WDR49: variants seen among roughly 807,000 people sequenced by gnomAD.
The protein encoded by WDR49 is cilia- and flagella-associated protein 337.
WDR49 carries 107 observed loss-of-function variants against 119.5 expected under a neutral mutation model. The observed-to-expected ratio is 0.90, with a 90% confidence interval of 0.77 to 1.05. The LOEUF (loss-of-function observed/expected upper bound fraction) is 1.05, where lower values mean the gene tolerates loss of function less well. WDR49 is among the 50% of genes least tolerant of loss of function. WDR49 has a pLI of 0.00. For synonymous variants in WDR49, 425 were observed against 418.8 expected (o/e 1.01, Z -0.18); for missense variants, 1,240 against 1,220.5 (o/e 1.02, Z -0.24).
intron 2 of WDR49, among the ~76,000 whole-genome samples, chr3:167,646,506 A>T (rs1718136733): frequency 1.3e-5 from 2 of 152,208 alleles, no homozygotes; most frequent in African/African-American, 4.8e-5. Context: ...AAGGGTTCGA[A>T]GCAGCATTGT....
At position 167,626,977 on chromosome 3, in the gene WDR49, C is replaced by T. The variant is rs1717158929; in HGVS notation, c.481G>A (p.Glu161Lys). 9 of 1,349,622 alleles carry T rather than the reference C, an allele frequency of 6.7e-6. No homozygotes were observed. The highest frequency in any genetic ancestry group is 8.5e-6 in the Non-Finnish European group (9 of 1,052,772). The allele number at this position is 1,349,622 out of a possible 1,614,324, so 83.6% of individuals were successfully genotyped here. The change falls in exon 3 of 19, where the codon GAA becomes AAA. Residue 161 changes from glutamate to lysine, a missense_variant. Glu to Lys is a moderately conservative substitution (Grantham distance 56). Coordinates refer to ENST00000682715, the MANE Select transcript of WDR49 (RefSeq NM_001366157.1). ...TCTCCCCAGATTGCCAATAAACCTT[C>T]TTTACTAATTGTCAGATAATGACTT... Reference protein sequence around the residue: ...NSSHYLTISKEGLLAIWGEHL... With the variant: ...NSSHYLTISKKGLLAIWGEHL...
chr3:167,620,474 G>T lies in WDR49; in HGVS notation c.913C>A (p.His305Asn). 1 of 1,535,980 alleles carries T rather than the reference G, an allele frequency of 6.5e-7. No individual in the cohort carries two copies. Among genetic ancestry groups the T allele is most frequent in the South Asian group, 1.2e-5 (1 of 84,008 alleles). ...ELLSGCHKCC[H>N]ILEHKLHQGD... is the part of the protein sequence containing the mutation. ...TGATGAAGTTTATGCTCTAATATAT[G>T]GCAACATTTGTGACATCCAGAGAGC... The change falls in exon 5 of 19, where the codon CAT becomes AAT. Residue 305 changes from histidine to asparagine, a missense_variant. Transcript: ENST00000682715.
At chr3:167,616,289 G>T (rs1479938772) in intron 5 of WDR49, among the ~76,000 whole-genome samples, 1 of 152,216 alleles carries the variant, frequency 6.6e-6, no homozygotes, top group Admixed American at 6.5e-5. Flanking sequence ...CTGGATTTCT[G>T]CTTCCAGCCA....
chr3:167,588,769 A>T (rs1210189619), intron 7 of WDR49, among the ~76,000 whole-genome samples: 2 of 152,046 alleles, frequency 1.3e-5, no homozygotes, highest in East Asian at 3.8e-4. Context: ...TATTTAGCCC[A>T]TTTTTAATCA....
chr3:167,602,271 A>G lies in WDR49; in HGVS notation c.1131T>C (p.Thr377=), dbSNP rs774444253. The part of the protein sequence containing the change: ...DYHSRLNLIA[T]AGINNKVCLW... ...GGCAAACTTTATTGTTAATGCCAGC[A>G]GTTGCTAATCAGAATTAGAAAGAAA... Residue 377 remains threonine, a synonymous_variant, in exon 7 of 19, where the codon ACT becomes ACC. Transcript: ENST00000682715. The G allele has an allele frequency of 1.9e-6, 3 of 1,567,752 alleles. No individual in the cohort carries two copies. Among genetic ancestry groups the G allele is most frequent in the East Asian group, 4.5e-5 (2 of 44,306 alleles).
chr3:167,545,877 CAAAT>C (rs940375450), intron 10 of WDR49, among the ~76,000 whole-genome samples: 11 of 143,948 alleles, frequency 7.6e-5, no homozygotes, highest in East Asian at 3.9e-4. Context: ...AAATAAAAAG[CAAAT>C]AAATAAATAA....
At chr3:167,512,524 T>A (rs1026721860) in intron 16 of WDR49, among the ~76,000 whole-genome samples, 1 of 152,070 alleles carries the variant, frequency 6.6e-6, no homozygotes, top group Non-Finnish European at 1.5e-5. Context: ...ACAAAAACAC[T>A]GAAAATTCAA....
chr3:167,487,559 C>T (rs1351248106), intron 18 of WDR49, among the ~76,000 whole-genome samples: 2 of 152,050 alleles, frequency 1.3e-5, no homozygotes, highest in Non-Finnish European at 2.9e-5. Context: ...AGCTTCATCA[C>T]AGCAAAACAA....
rs1715805308 is a variant in WDR49 at position 167,602,175 on chromosome 3, G to A, written c.1227C>T (p.Val409=). ...LWGHSASVIA[V]QFFVERKQLF... is the part of the protein sequence containing the mutation. ...GTTGTTTTCTTTCCACAAAGAATTG[G>A]ACGGCTATTACACTGGCTGAGTGGC... Residue 409 remains valine, a synonymous_variant, in exon 7 of 19, where the codon GTC becomes GTT. Transcript: ENST00000682715. 2 of 1,603,900 alleles carry A rather than the reference G, an allele frequency of 1.2e-6. No individual in the cohort carries two copies. Among genetic ancestry groups the A allele is most frequent in the East Asian group, 4.5e-5 (2 of 44,814 alleles).
intron 2 of WDR49, among the ~76,000 whole-genome samples, chr3:167,645,156 G>T (rs1718057397): frequency 6.6e-6 from 1 of 151,626 alleles, no homozygotes; most frequent in Non-Finnish European, 1.5e-5. Context: ...GTTTAGCTTG[G>T]ATTTTTTACC....
chr3:167,516,596 A>G (rs986666789), intron 16 of WDR49, among the ~76,000 whole-genome samples: 7 of 152,054 alleles, frequency 4.6e-5, no homozygotes, highest in Non-Finnish European at 1.0e-4. Context: ...ATGATATATG[A>G]TCCTTTGGGT....
intron 10 of WDR49, among the ~76,000 whole-genome samples, chr3:167,542,525 C>T (rs1711909623): frequency 6.6e-6 from 1 of 152,056 alleles, no homozygotes; most frequent in African/African-American, 2.4e-5. Context: ...AAGTAATCTG[C>T]TCCTCAATGA....
intron 7 of WDR49, among the ~76,000 whole-genome samples, chr3:167,594,926 T>A (rs527607075): frequency 2.7e-5 from 4 of 150,938 alleles, no homozygotes; most frequent in Non-Finnish European, 2.9e-5. Flanking sequence ...GGAAGTCAAA[T>A]TGTCCCTCTT....
At chr3:167,567,839 T>C (rs1338401418) in intron 8 of WDR49, among the ~76,000 whole-genome samples, 3 of 152,220 alleles carry the variant, frequency 2.0e-5, no homozygotes, top group African/African-American at 7.2e-5. Flanking sequence ...GGTAAGGTGC[T>C]TCCTGACTTC....
chr3:167,607,739 C>T (rs1422698979), intron 5 of WDR49, among the ~76,000 whole-genome samples: 4 of 152,114 alleles, frequency 2.6e-5, no homozygotes, highest in Non-Finnish European at 4.4e-5. Flanking sequence ...CTTTCTGTCC[C>T]CATACCCTCA....
chr3:167,487,874 C>G lies in WDR49; in HGVS notation c.3032-8878G>C, dbSNP rs546582765. The stretch of plus-strand genomic sequence containing the variant: ...TGGCTATTATTAAGTCAAAAAACAA[C>G]AGATTCTTGCAAGGCTGTGCAGAAA... On this transcript the variant is annotated intron_variant, in intron 18 of 18. Coordinates refer to ENST00000682715, the MANE Select transcript of WDR49 (RefSeq NM_001366157.1). Among the ~76,000 whole-genome samples the G allele has an allele frequency of 1.5e-4, 23 of 152,004 alleles. No individual in the cohort carries two copies. The East Asian group carries it at 4.5e-3, about 29-fold the overall frequency.
Position 167,485,393 on chromosome 3 carries a change from GA to G in WDR49, c.3032-6398del, listed in dbSNP as rs540500469. Among the ~76,000 whole-genome samples, 605 of 151,040 alleles carry G rather than the reference GA, an allele frequency of 4.0e-3. 3 individuals carry two copies. The highest frequency in any genetic ancestry group is 0.014 in the African/African-American group (564 of 41,244). ...AAATAAATAAATAAAAATAAAAGTT[GA>G]AAAAAAAGAAAATGTATGTATACTT... On this transcript the variant is annotated intron_variant, in intron 18 of 18. Transcript: ENST00000682715.
chr3:167,594,559 T>G (rs1445964644), intron 7 of WDR49, among the ~76,000 whole-genome samples: 1 of 152,176 alleles, frequency 6.6e-6, no homozygotes. Flanking sequence ...AGAGATAGTC[T>G]GAAGTTGGAA....
chr3:167,519,837 T>C (rs1258630042), intron 16 of WDR49, among the ~76,000 whole-genome samples: 1 of 152,134 alleles, frequency 6.6e-6, no homozygotes, highest in African/African-American at 2.4e-5. Context: ...ATTTTCATAA[T>C]ACAAAGTTTC....
Sources: allele counts gnomAD v4.1 joint callset (sites outside exome capture counted in the v4.1 genomes callset), GRCh38; gene constraint gnomAD v4.1.1; transcripts MANE v1.5; gene names NCBI Gene and HGNC (gene_info 2026-07-23, HGNC 2026-07-21).